The following ANKRD11 variants were observed in gnomAD, a reference collection of about 807,000 sequenced individuals.
ANKRD11 encodes the protein ankyrin repeat domain 11, also known as ankyrin repeat domain-containing protein 11.
Under a neutral mutation model 195.7 loss-of-function variants are expected in ANKRD11, and 17 were observed. That is an observed-to-expected ratio of 0.09 (90% confidence interval 0.06 to 0.13). The LOEUF (loss-of-function observed/expected upper bound fraction) is 0.13. ANKRD11 is among the 10% of genes least tolerant of loss of function. ANKRD11 has a pLI of 1.00. For missense variants in ANKRD11, 3,735 were observed against 3,566.1 expected (o/e 1.05, Z -1.21); for synonymous variants, 1,953 against 1,528.1 (o/e 1.28, Z -6.49).
At position 89,285,058 on chromosome 16, in the gene ANKRD11, G is replaced by A. The variant is rs1243371355; in HGVS notation, c.1484C>T (p.Ser495Phe). ...SSESGEDDRDSLGSSGCLKGS... is the reference protein window; with the variant it reads ...SSESGEDDRDFLGSSGCLKGS... ...CTTGAGGCAGCCAGAGCTCCCCAGA[G>A]AGTCCCTGTCATCCTCCCCACTCTC... The change falls in exon 9 of 13, where the codon TCT (serine) becomes TTT (phenylalanine). Residue 495 changes from serine (S) to phenylalanine (F), a missense_variant. Ser to Phe is a radical substitution (Grantham distance 155). Coordinates refer to ENST00000301030, the MANE Select transcript of ANKRD11 (RefSeq NM_013275.6). The surrounding 1 kb of genome is among the most constrained non-coding windows in gnomAD (Gnocchi z 5.6). 1 of 1,613,970 alleles carries A rather than the reference G, an allele frequency of 6.2e-7. No individual in the cohort carries two copies. The highest frequency in any genetic ancestry group is 8.5e-7 in the Non-Finnish European group (1 of 1,180,040).
intron 2 of ANKRD11, among the ~76,000 whole-genome samples, chr16:89,390,689 A>AGTT (rs769567444): frequency 2.0e-4 from 31 of 152,172 alleles, no homozygotes; most frequent in Non-Finnish European, 3.5e-4. Flanking sequence ...TCTCGGGGAA[A>AGTT]CAGTGAGCAC....
rs1430800206 is a variant in ANKRD11 at position 89,278,767 on chromosome 16, G to C, written c.7470+305C>G. 3 of 577,528 alleles carry C rather than the reference G, an allele frequency of 5.2e-6. No homozygotes were observed. In the Admixed American group the frequency reaches 6.5e-5, roughly 13 times the overall value. The allele number at this position is 577,528 out of a possible 1,614,324, so 35.8% of individuals were successfully genotyped here. Reference sequence around the variant, plus strand: ...GGACGGGGAGTGGAGAGGGGAGAGTGAGCGGCGTGAAGGGGGAGCCCCACA... The same window carrying C: ...GGACGGGGAGTGGAGAGGGGAGAGTCAGCGGCGTGAAGGGGGAGCCCCACA... On this transcript the variant is annotated intron_variant, in intron 9 of 12. Transcript: ENST00000301030.
rs774961018 is a variant in ANKRD11, at chr16:89,285,626, G to A, written c.916C>T (p.Pro306Ser). 6.2e-7 allele frequency: 1 copy of A among 1,614,188 alleles called. No homozygotes were observed. The highest frequency in any genetic ancestry group is 1.7e-5 in the Admixed American group (1 of 60,020). ...ACTGAACTGGAAGGTGCGAAGGATG[G>A]TGCGTCTTCCTCTTCTGAGCTCTCT... ...STESSEEEDA[P>S]SFAPSSSVDG... The change falls in exon 9 of 13, where the codon CCA (proline) becomes TCA (serine). Residue 306 changes from proline to serine, a missense_variant. Pro to Ser is a moderately conservative substitution (Grantham distance 74). Coordinates refer to ENST00000301030, the MANE Select transcript of ANKRD11 (RefSeq NM_013275.6). The surrounding 1 kb of genome is among the most constrained non-coding windows in gnomAD (Gnocchi z 5.6).
chr16:89,285,347 G>T lies in ANKRD11; in HGVS notation c.1195C>A (p.Pro399Thr). The part of the protein sequence containing the change: ...KSYTKNNTIA[P>T]KKASHRILSD... ...AGGATACGATGGGACGCTTTCTTTG[G>T]TGCAATCGTGTTATTTTTAGTGTAA... is the stretch of plus-strand genomic sequence containing the variant. The change falls in exon 9 of 13, where the codon CCA (proline) becomes ACA (threonine). Residue 399 changes from proline (P) to threonine (T), a missense_variant. Transcript: ENST00000301030. This position sits in a 1 kb window ranked among gnomAD's most constrained non-coding sequence, Gnocchi z 5.6. 6.2e-7 allele frequency: 1 copy of T among 1,613,984 alleles called. No individual in the cohort carries two copies. The highest frequency in any genetic ancestry group is 8.5e-7 in the Non-Finnish European group (1 of 1,180,028).
At chr16:89,314,600 G>A (rs1204588915) in intron 3 of ANKRD11, among the ~76,000 whole-genome samples, 1 of 152,224 alleles carries the variant, frequency 6.6e-6, no homozygotes, top group East Asian at 1.9e-4. Context: ...CTGACACAGG[G>A]CTCCACCACG....
At chr16:89,335,583 C>T (rs2038310313) in intron 2 of ANKRD11, among the ~76,000 whole-genome samples, 1 of 152,198 alleles carries the variant, frequency 6.6e-6, no homozygotes, top group African/African-American at 2.4e-5. Flanking sequence ...CAGCGAGTGA[C>T]GTCGCTTTGG....
chr16:89,473,240 G>T (rs1306864617), intron 1 of ANKRD11, among the ~76,000 whole-genome samples: 1 of 151,998 alleles, frequency 6.6e-6, no homozygotes, highest in Non-Finnish European at 1.5e-5. Context: ...CATCAGTCAG[G>T]GAAAGGAGAG....
intron 2 of ANKRD11, among the ~76,000 whole-genome samples, chr16:89,393,159 T>G (rs2041270729): frequency 1.3e-5 from 2 of 152,112 alleles, no homozygotes; most frequent in Non-Finnish European, 2.9e-5. Context: ...CCTCAGGACC[T>G]GGCACCTTCT....
intron 2 of ANKRD11, among the ~76,000 whole-genome samples, chr16:89,356,613 T>C (rs1177736245): frequency 9.0e-6 from 1 of 111,326 alleles, no homozygotes. Context: ...CTACTAAAAA[T>C]ACAAAAAAAA....
chr16:89,288,996 G>C, intron 6 of ANKRD11: 1 of 442,098 alleles, frequency 2.3e-6, no homozygotes, highest in Non-Finnish European at 4.2e-6. Context: ...CATCCTCACC[G>C]ATCTGGAGGC....
In ANKRD11 at chr16:89,293,095, G is replaced by A. The variant is rs552094987; in HGVS notation, c.227-1912C>T. 1.2e-4 allele frequency among the ~76,000 whole-genome samples: 18 copies of A among 152,324 alleles called. No individual in the cohort carries two copies. The South Asian group carries it at 2.5e-3, about 21-fold the overall frequency. On this transcript the variant is annotated intron_variant, in intron 4 of 12. Transcript: ENST00000301030. Reference sequence around the variant, plus strand: ...GCTGGTCTGCCCACAGTCGCCTGGAGAAGCAGCTGAGAACCTCTGCAGGGC... The same window carrying A: ...GCTGGTCTGCCCACAGTCGCCTGGAAAAGCAGCTGAGAACCTCTGCAGGGC...
At chr16:89,481,777 C>T (rs996025105) in intron 1 of ANKRD11, among the ~76,000 whole-genome samples, 3 of 152,222 alleles carry the variant, frequency 2.0e-5, no homozygotes, top group Non-Finnish European at 4.4e-5. Context: ...CGTGTTCAGA[C>T]ACGTCTGGCT....
intron 2 of ANKRD11, among the ~76,000 whole-genome samples, chr16:89,364,014 TG>T (rs1188760599): frequency 6.6e-6 from 1 of 151,658 alleles, no homozygotes; most frequent in Admixed American, 6.5e-5. Flanking sequence ...GAGCTATCAT[TG>T]TGCCATGCCA....
rs1446264534 is a variant in ANKRD11 at position 89,282,752 on chromosome 16, G to A, written c.3790C>T (p.His1264Tyr). Residue 1264 changes from histidine (H) to tyrosine (Y), a missense_variant, in exon 9 of 13, where the codon CAT becomes TAT. Coordinates refer to ENST00000301030, the MANE Select transcript of ANKRD11 (RefSeq NM_013275.6). ...SKHKEKSDKE[H>Y]SKERKSSRSA... Reference sequence around the variant, plus strand: ...CTCGAGGACTTCCTCTCCTTGGAATGTTCTTTGTCCGACTTCTCTTTGTGT... The same window carrying A: ...CTCGAGGACTTCCTCTCCTTGGAATATTCTTTGTCCGACTTCTCTTTGTGT... The A allele has an allele frequency of 6.2e-7, 1 of 1,613,396 alleles. No homozygotes were observed. The highest frequency in any genetic ancestry group is 1.1e-5 in the South Asian group (1 of 91,068).
chr16:89,312,871 A>G (rs2036687589), intron 3 of ANKRD11, among the ~76,000 whole-genome samples: 1 of 152,094 alleles, frequency 6.6e-6, no homozygotes, highest in South Asian at 2.1e-4. Flanking sequence ...TGGAATACTT[A>G]TCTTGAGGGA....
intron 2 of ANKRD11, among the ~76,000 whole-genome samples, chr16:89,363,497 T>A (rs976263794): frequency 2.6e-5 from 4 of 151,206 alleles, no homozygotes; most frequent in African/African-American, 9.7e-5. Flanking sequence ...AAAAAAAGAT[T>A]CAGTCTTGCA....
chr16:89,342,241 G>A (rs1400108837), intron 2 of ANKRD11, among the ~76,000 whole-genome samples: 1 of 152,258 alleles, frequency 6.6e-6, no homozygotes, highest in Non-Finnish European at 1.5e-5. Flanking sequence ...AACTGCCTGG[G>A]CAAAGGTTCC....
intron 11 of ANKRD11, chr16:89,272,930 G>A (rs2033293980): frequency 6.6e-6 from 1 of 151,842 alleles, no homozygotes; most frequent in African/African-American, 2.4e-5. Flanking sequence ...TCTCACTTGT[G>A]GGATCTAAAA....
At chr16:89,374,522 G>A (rs1032169982) in intron 2 of ANKRD11, among the ~76,000 whole-genome samples, 2 of 152,222 alleles carry the variant, frequency 1.3e-5, no homozygotes, top group Non-Finnish European at 2.9e-5. Context: ...AGAATTCAGA[G>A]CCGATGGCCT....
Sources: gnomAD v4.1 joint callset for allele counts (sites outside exome capture counted in the v4.1 genomes callset) on GRCh38, gnomAD v4.1.1 for gene constraint, Gnocchi (gnomAD v3.1) non-coding constraint, MANE v1.5 for transcripts, NCBI Gene and HGNC (gene_info 2026-07-23, HGNC 2026-07-21) for gene names.